VWA8: variants seen among roughly 807,000 people sequenced by gnomAD.
The protein encoded by VWA8 is von Willebrand factor A domain containing 8.
VWA8 carries 221 observed loss-of-function variants against 241.5 expected under a neutral mutation model. The ratio of observed to expected loss-of-function variants is 0.91; its 90% confidence interval spans 0.82 to 1.02. The LOEUF (loss-of-function observed/expected upper bound fraction) is 1.02. Ranked by LOEUF, VWA8 falls within the 50% of genes least tolerant of loss-of-function variation. The pLI, the probability that VWA8 is intolerant of heterozygous loss-of-function variation, is 0.00. For synonymous variants in VWA8, 852 were observed against 827.1 expected, an observed-to-expected ratio of 1.03 and a Z score of -0.52; for missense variants, 2,322 against 2,328.7, an observed-to-expected ratio of 1.00 and a Z score of 0.06.
intron 21 of VWA8, among the ~76,000 whole-genome samples, 200 bp from the exon 22 acceptor site, chr13:41,732,355 G>C (rs1356786892): frequency 6.6e-6 from 1 of 151,866 alleles, no homozygotes; most frequent in Non-Finnish European, 1.5e-5. Context: ...AAATTACAAA[G>C]AATTTGAGAA....
chr13:41,816,638 G>C, intron 16 of VWA8, 60 bp downstream of exon 16: 3 of 1,503,472 alleles, frequency 2.0e-6, no homozygotes, highest in Non-Finnish European at 2.7e-6. Context: ...TGAATTCTAA[G>C]AAAAGAAAAC....
chr13:41,726,170 T>A (rs2045431198), intron 24 of VWA8, among the ~76,000 whole-genome samples: 1 of 152,224 alleles, frequency 6.6e-6, no homozygotes, highest in Admixed American at 6.5e-5. Flanking sequence ...TCTCTTTTTT[T>A]AAACAACTGC....
intron 14 of VWA8, among the ~76,000 whole-genome samples, chr13:41,827,759 G>A (rs555651974): frequency 1.8e-4 from 27 of 152,282 alleles, no homozygotes; most frequent in Non-Finnish European, 3.4e-4. Context: ...ACTTTGAGAA[G>A]AAAGTACTAT....
rs555330736 is a variant in VWA8 at position 41,852,839 on chromosome 13, A to G, written c.1425+12897T>C. Among the ~76,000 whole-genome samples the G allele has an allele frequency of 1.4e-3, 218 of 152,094 alleles. 1 individual carries two copies. Among genetic ancestry groups the G allele is most frequent in the African/African-American group, 5.1e-3 (211 of 41,526 alleles). ...ATATGTTTGTTTTTAATGCCATGCT[A>G]TTTTTATTACTATTCCTTTGTGGAA... On this transcript the variant is annotated intron_variant, in intron 12 of 44. Coordinates refer to ENST00000379310, the MANE Select transcript of VWA8 (RefSeq NM_015058.2).
At chr13:41,750,399 C>T (rs369349936) in intron 21 of VWA8, among the ~76,000 whole-genome samples, 6 of 151,248 alleles carry the variant, frequency 4.0e-5, no homozygotes, top group African/African-American at 1.5e-4. Context: ...TGCCACTGGA[C>T]TCCATCCTGG....
At chr13:41,924,399 A>AGGGAG (rs1373698689) in intron 2 of VWA8, among the ~76,000 whole-genome samples, 2 of 136,178 alleles carry the variant, frequency 1.5e-5, no homozygotes, top group Non-Finnish European at 3.2e-5. Context: ...GAGGAGGGGA[A>AGGGAG]GGGAGGGGAG....
At chr13:41,903,295 T>C (rs1166297758) in intron 4 of VWA8, among the ~76,000 whole-genome samples, 1 of 152,178 alleles carries the variant, frequency 6.6e-6, no homozygotes, top group Non-Finnish European at 1.5e-5. Flanking sequence ...TTAGTTAAAA[T>C]TGTAATAAAG....
At chr13:41,868,842 C>A (rs569244017) in intron 9 of VWA8, among the ~76,000 whole-genome samples, 1 of 135,580 alleles carries the variant, frequency 7.4e-6, no homozygotes, top group East Asian at 2.2e-4. Context: ...GAGCCGAGAT[C>A]GCGCCACTGC....
intron 38 of VWA8, among the ~76,000 whole-genome samples, chr13:41,613,780 T>C (rs1167173247): frequency 6.6e-6 from 1 of 152,060 alleles, no homozygotes; most frequent in Non-Finnish European, 1.5e-5. Flanking sequence ...GGGAGGAGCA[T>C]TGATGAAGAA....
chr13:41,793,287 T>G (rs1311424233), intron 17 of VWA8, among the ~76,000 whole-genome samples: 1 of 152,136 alleles, frequency 6.6e-6, no homozygotes, highest in Non-Finnish European at 1.5e-5. Flanking sequence ...GAAGATGAAT[T>G]AAAAAACAGA....
chr13:41,879,348 C>T (rs1305726718), intron 9 of VWA8, among the ~76,000 whole-genome samples: 1 of 149,714 alleles, frequency 6.7e-6, no homozygotes, highest in Non-Finnish European at 1.5e-5. Flanking sequence ...TCCTTCTCCT[C>T]CTACTCTTCC....
At chr13:41,755,338 C>A (rs556285555) in intron 21 of VWA8, among the ~76,000 whole-genome samples, 1 of 151,858 alleles carries the variant, frequency 6.6e-6, no homozygotes, top group African/African-American at 2.4e-5. Context: ...AAACAGAAAT[C>A]GAGACTTTTC....
chr13:41,944,673 C>G (rs1182258453), intron 2 of VWA8, among the ~76,000 whole-genome samples: 2 of 152,172 alleles, frequency 1.3e-5, no homozygotes, highest in Non-Finnish European at 2.9e-5. Context: ...GTGAACAGAA[C>G]TATACAGAAG....
intron 14 of VWA8, among the ~76,000 whole-genome samples, chr13:41,821,937 A>G (rs1354768489): frequency 6.6e-6 from 1 of 152,140 alleles, no homozygotes; most frequent in African/African-American, 2.4e-5. Context: ...TTCCGTTTAT[A>G]TAAAACTCTA....
At chr13:41,907,274 C>G (rs1330306131) in intron 4 of VWA8, among the ~76,000 whole-genome samples, 1 of 152,110 alleles carries the variant, frequency 6.6e-6, no homozygotes, top group South Asian at 2.1e-4. Context: ...TATATCAAAT[C>G]TCCTTAATTC....
chr13:41,732,981 C>T (rs2045496380), intron 21 of VWA8, among the ~76,000 whole-genome samples: 1 of 152,182 alleles, frequency 6.6e-6, no homozygotes, highest in African/African-American at 2.4e-5. Context: ...AGAATTAGAA[C>T]TACTTTAAAA....
At chr13:41,932,026 C>A (rs111641818) in intron 2 of VWA8, among the ~76,000 whole-genome samples, 111 of 152,132 alleles carry the variant, frequency 7.3e-4, no homozygotes, top group Middle Eastern at 3.4e-3. Flanking sequence ...AAAGCTTGTT[C>A]TCTGAGACTA....
At chr13:41,774,144 A>AT (rs1315992122) in intron 20 of VWA8, among the ~76,000 whole-genome samples, 18 of 151,990 alleles carry the variant, frequency 1.2e-4, no homozygotes, top group Middle Eastern at 3.4e-3. Flanking sequence ...TTATTTATTT[A>AT]TTATTATTTT....
intron 12 of VWA8, among the ~76,000 whole-genome samples, chr13:41,841,834 TATATATATATATATATATATATATAA>T (rs1358685939): frequency 0.024 from 1,937 of 81,192 alleles, 82 homozygotes; most frequent in South Asian, 0.049. Context: ...TATATATATA[TATATATATATATATATATATATATAA>T]AAACAGTAGA....
Sources: allele counts gnomAD v4.1 joint callset (sites outside exome capture counted in the v4.1 genomes callset), GRCh38; gene constraint gnomAD v4.1.1; transcripts MANE v1.5; gene names NCBI Gene and HGNC (gene_info 2026-07-23, HGNC 2026-07-21).